The following TBX15 variants were observed in gnomAD, a reference collection of about 807,000 sequenced individuals.
The protein encoded by TBX15 is T-box transcription factor TBX15.
Under a neutral mutation model 53.9 loss-of-function variants are expected in TBX15, and 18 were observed. The ratio of observed to expected loss-of-function variants is 0.33; its 90% confidence interval spans 0.23 to 0.49. The LOEUF is 0.49. TBX15 is among the 20% of genes least tolerant of loss of function. TBX15 has a pLI of 0.98. For missense variants in TBX15, 692 were observed against 749.5 expected (o/e 0.92, Z 0.90); for synonymous variants, 295 against 278.0 (o/e 1.06, Z -0.61).
intron 3 of TBX15, 67 bp from the exon 4 acceptor site, chr1:118,924,884 C>T: frequency 6.4e-7 from 1 of 1,563,720 alleles, no homozygotes; most frequent in East Asian, 2.2e-5. Flanking sequence ...GCCCAGGAAA[C>T]AAGTTGAGAC....
intron 1 of TBX15, among the ~76,000 whole-genome samples, chr1:118,967,568 T>C (rs1657069855): frequency 6.6e-6 from 1 of 151,958 alleles, no homozygotes; most frequent in Non-Finnish European, 1.5e-5. Flanking sequence ...ATCAGTTAAG[T>C]GAAGGAAAGG....
intron 1 of TBX15, among the ~76,000 whole-genome samples, chr1:118,986,631 C>T (rs886135118): frequency 6.6e-6 from 1 of 152,214 alleles, no homozygotes; most frequent in Non-Finnish European, 1.5e-5. Context: ...GCCCCCTCCC[C>T]GGGCTTGTCA....
chr1:118,927,643 C>A (rs1655644066), intron 2 of TBX15, among the ~76,000 whole-genome samples: 1 of 152,164 alleles, frequency 6.6e-6, no homozygotes, highest in African/African-American at 2.4e-5. Flanking sequence ...CTTGTTTCTA[C>A]CACAATGGCT....
At chr1:118,908,288 G>A (rs1037532780) in intron 6 of TBX15, among the ~76,000 whole-genome samples, 1 of 149,098 alleles carries the variant, frequency 6.7e-6, no homozygotes, top group Non-Finnish European at 1.5e-5. Context: ...AAAAATACAA[G>A]AACAGAAACC....
chr1:118,931,524 T>C lies in TBX15; in HGVS notation c.419+95A>G, dbSNP rs1655778509. The C allele has an allele frequency of 2.2e-6, 3 of 1,360,668 alleles. No individual in the cohort carries two copies. In the South Asian group the frequency reaches 3.7e-5, roughly 17 times the overall value. The allele number at this position is 1,360,668 out of a possible 1,614,324, so 84.3% of individuals were successfully genotyped here. A position where few individuals can be genotyped will look rare whatever the true frequency, so the allele number is the denominator to read the frequency against. On this transcript the variant is annotated intron_variant, in intron 2 of 7. Transcript: ENST00000369429. ...TGAGTGCAAGCTGCTTTGGTTTTGT[T>C]GATGCCATCACAAATAAATAAGAAT...
chr1:118,895,727 A>G (rs1251036559), intron 7 of TBX15, among the ~76,000 whole-genome samples: 2 of 152,028 alleles, frequency 1.3e-5, no homozygotes, highest in Non-Finnish European at 2.9e-5. Context: ...AACTGAAGAC[A>G]TCTGAAGACC....
intron 1 of TBX15, 151 bp downstream of exon 1, chr1:118,987,440 G>T: frequency 2.0e-6 from 2 of 1,010,894 alleles, no homozygotes; most frequent in Non-Finnish European, 1.4e-6. Flanking sequence ...AATTTAGGGA[G>T]GCTCAGGGCA....
chr1:118,936,768 A>G (rs1655985676), intron 1 of TBX15, among the ~76,000 whole-genome samples: 1 of 152,144 alleles, frequency 6.6e-6, no homozygotes, highest in African/African-American at 2.4e-5. Context: ...TGTTATTATT[A>G]TTATCTCCAT....
intron 6 of TBX15, among the ~76,000 whole-genome samples, chr1:118,906,144 T>C (rs1324439576): frequency 2.0e-5 from 3 of 152,216 alleles, no homozygotes; most frequent in Non-Finnish European, 4.4e-5. Flanking sequence ...TGTATACTTA[T>C]GATTTGAATG....
intron 5 of TBX15, among the ~76,000 whole-genome samples, chr1:118,917,193 A>G (rs1294362288): frequency 1.3e-5 from 2 of 152,360 alleles, no homozygotes; most frequent in East Asian, 1.9e-4. Flanking sequence ...AATAGACTGG[A>G]TAAAGAAAAT....
At chr1:118,946,051 A>G (rs1656336507) in intron 1 of TBX15, among the ~76,000 whole-genome samples, 1 of 152,198 alleles carries the variant, frequency 6.6e-6, no homozygotes, top group Admixed American at 6.5e-5. Flanking sequence ...TATCAAATGC[A>G]AATTACAATA....
At chr1:118,930,270 T>A (rs1245586852) in intron 2 of TBX15, among the ~76,000 whole-genome samples, 1 of 152,214 alleles carries the variant, frequency 6.6e-6, no homozygotes, top group African/African-American at 2.4e-5. Flanking sequence ...ATCAGTAAGA[T>A]GCGATTTTTG....
chr1:118,887,067 C>G (rs1484287220), intron 7 of TBX15, among the ~76,000 whole-genome samples: 3 of 152,208 alleles, frequency 2.0e-5, no homozygotes, highest in African/African-American at 7.2e-5. Flanking sequence ...GCATCTGCCT[C>G]CTGTCTCATC....
At chr1:118,914,261 C>G in intron 5 of TBX15, 82 bp from the exon 6 acceptor site, 1 of 1,271,790 alleles carries the variant, frequency 7.9e-7, no homozygotes, top group Non-Finnish European at 1.1e-6. Context: ...ACAAAAATCA[C>G]TTTTTTAATA....
chr1:118,940,936 C>T (rs1656157963), intron 1 of TBX15, among the ~76,000 whole-genome samples: 1 of 149,826 alleles, frequency 6.7e-6, no homozygotes. Flanking sequence ...AATGTTCAAC[C>T]TAAGTACCTC....
At chr1:118,910,667 G>C (rs1420491215) in intron 6 of TBX15, among the ~76,000 whole-genome samples, 1 of 152,128 alleles carries the variant, frequency 6.6e-6, no homozygotes, top group Non-Finnish European at 1.5e-5. Context: ...TATTTAAAGA[G>C]AAAAATACAA....
rs542077164 is a variant in TBX15, at chr1:118,986,206, GGAAATAGGGT to G, written c.205+1375_205+1384del. Among the ~76,000 whole-genome samples the G allele has an allele frequency of 3.3e-5, 5 of 152,298 alleles. No homozygotes were observed. In the South Asian group the frequency reaches 1.0e-3, roughly 32 times the overall value. On this transcript the variant is annotated intron_variant, in intron 1 of 7. Coordinates refer to ENST00000369429, the MANE Select transcript of TBX15 (RefSeq NM_001330677.2). ...TTTTGACAATAGATAAATGAGCTGA[GGAAATAGGGT>G]CTGGCCAGCGAAGGGAAACACACAG...
At chr1:118,973,752 C>G (rs78893494) in intron 1 of TBX15, among the ~76,000 whole-genome samples, 6 of 151,996 alleles carry the variant, frequency 3.9e-5, no homozygotes, top group African/African-American at 1.4e-4. Flanking sequence ...CAGCACCGCC[C>G]CCAACACTCC....
At chr1:118,944,808 G>C (rs1340510306) in intron 1 of TBX15, among the ~76,000 whole-genome samples, 1 of 152,186 alleles carries the variant, frequency 6.6e-6, no homozygotes, top group Non-Finnish European at 1.5e-5. Flanking sequence ...AGCCTGAACT[G>C]TATTTAGAAG....
Sources: gnomAD v4.1 joint callset for allele counts (sites outside exome capture counted in the v4.1 genomes callset) on GRCh38, gnomAD v4.1.1 for gene constraint, MANE v1.5 for transcripts, NCBI Gene and HGNC (gene_info 2026-07-23, HGNC 2026-07-21) for gene names.